The following MRM2 variants were observed in gnomAD, a reference collection of about 807,000 sequenced individuals.
The protein encoded by MRM2 is mitochondrial rRNA methyltransferase 2.
In MRM2, 15 loss-of-function variants were observed where a neutral mutation model predicts 10.9. That is an observed-to-expected ratio of 1.37 (90% CI 0.92 to 2.11). The LOEUF (loss-of-function observed/expected upper bound fraction) is 2.11, where lower values mean the gene tolerates loss of function less well. Ranked by LOEUF, MRM2 falls within the 30% of genes most tolerant of loss-of-function variation. The probability of loss-of-function intolerance (pLI) is 0.00; values close to 1 mark genes in which losing one functional copy is unlikely to be tolerated. For missense variants in MRM2, 328 were observed against 321.3 expected (o/e 1.02, Z -0.16); for synonymous variants, 139 against 128.7 (o/e 1.08, Z -0.54).
chr7:2,238,291 G>A (rs1167469423), intron 2 of MRM2: 1 of 152,242 alleles, frequency 6.6e-6, no homozygotes, highest in East Asian at 1.9e-4. Context: ...AAAGCCAAAA[G>A]CAACCTTGAT....
intron 2 of MRM2, chr7:2,238,057 G>C (rs1794450318): frequency 6.6e-6 from 1 of 152,180 alleles, no homozygotes; most frequent in Admixed American, 6.5e-5. Flanking sequence ...CAGGGGGCCA[G>C]CATTCCATTT....
At chr7:2,237,578 A>C (rs571417122) in intron 2 of MRM2, among the ~76,000 whole-genome samples, 3 of 152,338 alleles carry the variant, frequency 2.0e-5, no homozygotes, top group African/African-American at 7.2e-5. Context: ...AGCAATGAGA[A>C]AAGGAACTGA....
At chr7:2,240,911 G>C (rs960191910) in intron 1 of MRM2, among the ~76,000 whole-genome samples, 1 of 152,188 alleles carries the variant, frequency 6.6e-6, no homozygotes, top group African/African-American at 2.4e-5. Flanking sequence ...GGCCAGGCTG[G>C]TCTCAAACTC....
In MRM2 at chr7:2,235,319, G is replaced by T; in HGVS notation, c.544C>A (p.Pro182Thr). The change falls in exon 3 of 3, where the codon CCA becomes ACA. Residue 182 changes from proline (P) to threonine (T), a missense_variant. Transcript: ENST00000242257. ...GTCCCCCCAGGTTGCAGGATGTCTG[G>T]GGTCACGCTGAGAAGGGTCAGGCAC... Reference protein sequence around the residue: ...SLCLTLLSVTPDILQPGGTFL... With the variant: ...SLCLTLLSVTTDILQPGGTFL... The T allele has an allele frequency of 6.2e-7, 1 of 1,614,132 alleles. No homozygotes were observed. The highest frequency in any genetic ancestry group is 1.1e-5 in the South Asian group (1 of 91,082).
At chr7:2,241,604 T>C (rs1361317535) in intron 1 of MRM2, among the ~76,000 whole-genome samples, 1 of 152,232 alleles carries the variant, frequency 6.6e-6, no homozygotes, top group Non-Finnish European at 1.5e-5. Flanking sequence ...GCCCGGTCTC[T>C]ATGTCCATCT....
intron 1 of MRM2, chr7:2,240,311 A>C (rs1584627662): frequency 4.4e-6 from 2 of 456,172 alleles, no homozygotes; most frequent in Non-Finnish European, 8.8e-6. Flanking sequence ...ACAGGCTGCA[A>C]GAAAACCTCA....
At chr7:2,238,585 C>T (rs1794459381) in intron 2 of MRM2, 1 of 152,164 alleles carries the variant, frequency 6.6e-6, no homozygotes, top group Non-Finnish European at 1.5e-5. Flanking sequence ...CAGGAAAGCC[C>T]CAGGGCTTAT....
In MRM2 at chr7:2,234,704, G is replaced by A. The variant is rs73291571; in HGVS notation, c.*418C>T. On this transcript the variant is annotated 3_prime_UTR_variant, in exon 3 of 3. Transcript: ENST00000242257. ...CACACTAAGAACTGGAAATCTGTGC[G>A]TGGTGCTCTCAGAGCAGGGGTGGAA... 0.013 allele frequency: 2,507 copies of A among 188,446 alleles called. 69 individuals are homozygous for A. Among genetic ancestry groups the A allele is most frequent in the African/African-American group, 0.056 (2,360 of 42,234 alleles). 11.7% of individuals were successfully genotyped at this position (188,446 alleles called of 1,614,324 possible). A position where few individuals can be genotyped will look rare whatever the true frequency, so the allele number is the denominator to read the frequency against.
chr7:2,235,465 G>A lies in MRM2; in HGVS notation c.398C>T (p.Pro133Leu), dbSNP rs753068276. The A allele has an allele frequency of 8.7e-6, 14 of 1,613,822 alleles. No homozygotes were observed. Among genetic ancestry groups the A allele is most frequent in the South Asian group, 3.3e-5 (3 of 91,074 alleles). Reference sequence around the variant, plus strand: ...CTCGAGGATTCTCTGTGAGGTTCTCGGGTCAGTCACGTCAGCAGGGCACAG... The same window carrying A: ...CTCGAGGATTCTCTGTGAGGTTCTCAGGTCAGTCACGTCAGCAGGGCACAG... The part of the protein sequence containing the change: ...TFLCPADVTD[P>L]RTSQRILEVL... The change falls in exon 3 of 3, where the codon CCG (proline) becomes CTG (leucine). Residue 133 changes from proline to leucine, a missense_variant. Transcript: ENST00000242257.
In MRM2 at chr7:2,234,875, T is replaced by C. The variant is rs1197197929; in HGVS notation, c.*247A>G. ...CCATCCTTCCATCCTCACCTCTTTC[T>C]CTTGATAACTTTCTCTTCCCAAATC... On this transcript the variant is annotated 3_prime_UTR_variant, in exon 3 of 3. Coordinates refer to ENST00000242257, the MANE Select transcript of MRM2 (RefSeq NM_013393.3). 1 of 516,016 alleles carries C rather than the reference T, an allele frequency of 1.9e-6. No individual in the cohort carries two copies. The highest frequency in any genetic ancestry group is 3.4e-6 in the Non-Finnish European group (1 of 289,858). 32.0% of individuals were successfully genotyped at this position (516,016 alleles called of 1,614,324 possible).
chr7:2,235,514 A>C lies in MRM2; in HGVS notation c.349T>G (p.Phe117Val). 1 of 1,613,710 alleles carries C rather than the reference A, an allele frequency of 6.2e-7. No individual in the cohort carries two copies. The highest frequency in any genetic ancestry group is 8.5e-7 in the Non-Finnish European group (1 of 1,179,956). ...FVLGVDLLHI[F>V]PLEGATFLCP... ...AGAAAAGTTGCTCCTTCCAGGGGGA[A>C]TATGTGAAGAAGATCTACCCCAAGC... is the stretch of plus-strand genomic sequence containing the variant. Residue 117 changes from phenylalanine (F) to valine (V), a missense_variant, in exon 3 of 3, where the codon TTC becomes GTC. Coordinates refer to ENST00000242257, the MANE Select transcript of MRM2 (RefSeq NM_013393.3).
Position 2,235,209 on chromosome 7 carries a change from G to C in MRM2, c.654C>G (p.Ile218Met). 1.2e-6 allele frequency: 2 copies of C among 1,614,102 alleles called. No individual in the cohort carries two copies. The highest frequency in any genetic ancestry group is 1.7e-6 in the Non-Finnish European group (2 of 1,179,948). ...ACTCTTTCCTGCTGGCTTCAGGTTTGATGATCCTTACATTCTGGAATTCCT... is the reference window on the plus strand; with the variant it reads ...ACTCTTTCCTGCTGGCTTCAGGTTTCATGATCCTTACATTCTGGAATTCCT... ...LTEEFQNVRI[I>M]KPEASRKESS... Residue 218 changes from isoleucine (I) to methionine (M), a missense_variant, in exon 3 of 3, where the codon ATC becomes ATG. Coordinates refer to ENST00000242257, the MANE Select transcript of MRM2 (RefSeq NM_013393.3).
rs769009167 is a variant in MRM2, at chr7:2,239,427, C to T, written c.289G>A (p.Ala97Thr). 2.4e-5 allele frequency: 38 copies of T among 1,605,690 alleles called. No individual in the cohort carries two copies. The highest frequency in any genetic ancestry group is 6.7e-5 in the Admixed American group (4 of 59,412). The part of the protein sequence containing the change: ...SQVAVQKVNA[A>T]GTDPSSPVGF... ...CAGTGCAGAGGCCCACCTGTGCCTG[C>T]GGCGTTGACCTTCTGCACCGCCACC... is the stretch of plus-strand genomic sequence containing the variant. The change falls in exon 2 of 3, where the codon GCA becomes ACA. Residue 97 changes from alanine (A) to threonine (T), a missense_variant. Physicochemically the swap from Ala to Thr is moderately conservative, Grantham distance 58. Coordinates refer to ENST00000242257, the MANE Select transcript of MRM2 (RefSeq NM_013393.3).
rs373883494 is a variant in MRM2, at chr7:2,235,476, G to A, written c.387C>T (p.Asp129=). Residue 129 remains aspartate, a synonymous_variant, in exon 3 of 3, where the codon GAC becomes GAT. Coordinates refer to ENST00000242257, the MANE Select transcript of MRM2 (RefSeq NM_013393.3). The part of the protein sequence containing the change: ...LEGATFLCPA[D]VTDPRTSQRI... ...TCTGTGAGGTTCTCGGGTCAGTCAC[G>A]TCAGCAGGGCACAGAAAAGTTGCTC... 4.5e-5 allele frequency: 72 copies of A among 1,613,824 alleles called. No individual in the cohort carries two copies. In the Middle Eastern group the frequency reaches 1.2e-3, roughly 26 times the overall value.
At chr7:2,239,761 A>G (rs983323478) in intron 1 of MRM2, 54 bp from the exon 2 acceptor site, 2 of 1,535,528 alleles carry the variant, frequency 1.3e-6, no homozygotes, top group East Asian at 2.3e-5. Flanking sequence ...ACGGCAGGTC[A>G]TGAGCTGGGA....
At chr7:2,237,112 C>T (rs976833643) in intron 2 of MRM2, among the ~76,000 whole-genome samples, 1 of 152,164 alleles carries the variant, frequency 6.6e-6, no homozygotes. Context: ...TTCGAGCGAC[C>T]CCTGCCACCT....
intron 2 of MRM2, among the ~76,000 whole-genome samples, chr7:2,237,061 G>A (rs73041401): frequency 0.013 from 2,023 of 152,256 alleles, 15 homozygotes; most frequent in Admixed American, 0.019. Context: ...GCCTCACTCC[G>A]TTGCACGGCC....
chr7:2,238,657 G>C (rs934007345), intron 2 of MRM2: 1 of 152,124 alleles, frequency 6.6e-6, no homozygotes, highest in African/African-American at 2.4e-5. Context: ...AAGAGTAGCC[G>C]GGCACCATGG....
intron 2 of MRM2, among the ~76,000 whole-genome samples, chr7:2,237,594 C>T (rs1794439926): frequency 6.6e-6 from 1 of 152,150 alleles, no homozygotes; most frequent in Non-Finnish European, 1.5e-5. Context: ...ACTGACATTT[C>T]CAACACAAAT....
Sources: allele counts gnomAD v4.1 joint callset (sites outside exome capture counted in the v4.1 genomes callset), GRCh38; gene constraint gnomAD v4.1.1; transcripts MANE v1.5; gene names NCBI Gene and HGNC (gene_info 2026-07-23, HGNC 2026-07-21).